Variants in HEATR5A observed in about 807,000 individuals in gnomAD.
HEATR5A encodes the protein HEAT repeat-containing protein 5A.
HEATR5A carries 178 observed loss-of-function variants against 218.8 expected under a neutral mutation model. The observed-to-expected ratio is 0.81, with a 90% CI of 0.72 to 0.92. The LOEUF is 0.92. HEATR5A is among the 40% of genes least tolerant of loss of function. The pLI is 0.00. For missense variants in HEATR5A, 2,420 were observed against 2,418.9 expected (o/e 1.00, Z -0.01); for synonymous variants, 864 against 871.6 (o/e 0.99, Z 0.15).
intron 6 of HEATR5A, among the ~76,000 whole-genome samples, chr14:31,391,886 A>G (rs1402967469): frequency 1.3e-5 from 2 of 152,228 alleles, no homozygotes; most frequent in Non-Finnish European, 2.9e-5. Flanking sequence ...CCTAGTGTGC[A>G]GTAGGCTATA....
intron 22 of HEATR5A, among the ~76,000 whole-genome samples, chr14:31,333,396 CCA>C (rs1287304000): frequency 6.6e-6 from 1 of 151,858 alleles, no homozygotes; most frequent in African/African-American, 2.4e-5. Flanking sequence ...TTACAGGCAC[CCA>C]CCATCATCAC....
intron 1 of HEATR5A, among the ~76,000 whole-genome samples, chr14:31,414,034 C>T (rs889131015): frequency 5.3e-5 from 8 of 152,156 alleles, no homozygotes; most frequent in Admixed American, 1.3e-4. Flanking sequence ...TCCATCTAGA[C>T]GGCAAATCAA....
At chr14:31,388,233 A>G (rs776636062) in intron 7 of HEATR5A, among the ~76,000 whole-genome samples, 5 of 152,224 alleles carry the variant, frequency 3.3e-5, no homozygotes, top group Non-Finnish European at 7.3e-5. Context: ...GACTATATGC[A>G]GTATAAAACA....
Position 31,304,924 on chromosome 14 carries a change from AG to A in HEATR5A, c.5219del (p.Pro1740LeufsTer29). The A allele has an allele frequency of 1.2e-6, 2 of 1,613,986 alleles. No individual in the cohort carries two copies. The highest frequency in any genetic ancestry group is 1.7e-6 in the Non-Finnish European group (2 of 1,179,878). On this transcript the variant is annotated frameshift_variant, in exon 32 of 36. Transcript: ENST00000543095. LOFTEE classifies it high-confidence loss of function. The part of the protein sequence containing the change: ...SAALVILSEL[P>X]AVCSPEGSIS... ...GCATACCTTCAGGAGAGCACACTGC[AG>A]GAAGTTCGGAAAGGATAACCAATGC...
At chr14:31,343,221 T>C (rs1220939814) in intron 21 of HEATR5A, among the ~76,000 whole-genome samples, 2 of 151,936 alleles carry the variant, frequency 1.3e-5, no homozygotes, top group Non-Finnish European at 2.9e-5. Flanking sequence ...GCCTCCTGAG[T>C]AGCTGGGATT....
At chr14:31,368,337 A>G (rs1901881635) in intron 13 of HEATR5A, among the ~76,000 whole-genome samples, 2 of 152,160 alleles carry the variant, frequency 1.3e-5, no homozygotes, top group South Asian at 4.1e-4. Flanking sequence ...CAGAACTGTT[A>G]GAAATAAGTG....
intron 2 of HEATR5A, among the ~76,000 whole-genome samples, chr14:31,402,037 T>A (rs550800677): frequency 6.6e-6 from 1 of 152,268 alleles, no homozygotes; most frequent in South Asian, 2.1e-4. Context: ...AATCTAGAAG[T>A]TGCTTTTTTT....
chr14:31,419,216 C>A (rs975604145), intron 1 of HEATR5A, among the ~76,000 whole-genome samples: 5 of 152,050 alleles, frequency 3.3e-5, no homozygotes. Context: ...CACAACAAAT[C>A]CATACTACAG....
intron 22 of HEATR5A, among the ~76,000 whole-genome samples, chr14:31,331,498 C>T (rs556658256): frequency 1.1e-4 from 17 of 152,184 alleles, no homozygotes; most frequent in African/African-American, 4.1e-4. Flanking sequence ...TTTGCCACAT[C>T]TTCCTGTCTT....
rs1202818136 is a variant in HEATR5A at position 31,387,192 on chromosome 14, G to A, written c.1117C>T (p.Leu373Phe). Residue 373 changes from leucine (L) to phenylalanine (F), a missense_variant, in exon 8 of 36, where the codon CTT becomes TTT. By Grantham distance (22) the Leu-to-Phe change is conservative. Transcript: ENST00000543095. The part of the protein sequence containing the change: ...FILRTTIGGL[L>F]GEKAQLAAVK... Reference sequence around the variant, plus strand: ...GCAGCAAGCTGAGCCTTTTCTCCAAGAAGACCACCTATAGTAGTTCGAAGA... The same window carrying A: ...GCAGCAAGCTGAGCCTTTTCTCCAAAAAGACCACCTATAGTAGTTCGAAGA... The A allele has an allele frequency of 4.6e-6, 7 of 1,532,066 alleles. No homozygotes were observed. In the East Asian group the frequency reaches 1.6e-4, roughly 34 times the overall value. 94.9% of individuals were successfully genotyped at this position (1,532,066 alleles called of 1,614,324 possible).
intron 7 of HEATR5A, 41 bp from the exon 8 acceptor site, chr14:31,387,416 T>C (rs768004033): frequency 1.2e-5 from 17 of 1,439,730 alleles, no homozygotes; most frequent in Non-Finnish European, 1.6e-5. Flanking sequence ...TTAAATTGTT[T>C]CAATTCTGTA....
chr14:31,293,418 C>T lies in HEATR5A; in HGVS notation c.6028G>A (p.Glu2010Lys). 6.2e-7 allele frequency: 1 copy of T among 1,613,902 alleles called. No homozygotes were observed. The highest frequency in any genetic ancestry group is 8.5e-7 in the Non-Finnish European group (1 of 1,179,802). Residue 2010 changes from glutamate (E) to lysine (K), a missense_variant, in exon 36 of 36, where the codon GAG (glutamate) becomes AAG (lysine). By Grantham distance (56) the Glu-to-Lys change is moderately conservative (BLOSUM62 1). Coordinates refer to ENST00000543095, the MANE Select transcript of HEATR5A (RefSeq NM_015473.4). ...TCCTGATTGCCCTTTATAGCAGCCT[C>T]AAGGCGGGCTTTTAGGGCTGGAGAA... ...ASSPALKARL[E>K]AAIKGNQESV...
chr14:31,335,312 C>T (rs932277354), intron 22 of HEATR5A, among the ~76,000 whole-genome samples: 1 of 152,040 alleles, frequency 6.6e-6, no homozygotes, highest in African/African-American at 2.4e-5. Context: ...ATATAGCAGC[C>T]CAGCCATGCT....
chr14:31,344,281 T>C, intron 20 of HEATR5A, among the ~76,000 whole-genome samples: 1 of 128,104 alleles, frequency 7.8e-6, no homozygotes. Context: ...TTTTTTTTTT[T>C]TTTTTTTTTT....
At chr14:31,295,134 A>G (rs1231432648) in intron 34 of HEATR5A, among the ~76,000 whole-genome samples, 1 of 152,198 alleles carries the variant, frequency 6.6e-6, no homozygotes, top group African/African-American at 2.4e-5. Context: ...GGCACATAAA[A>G]AATAGGACAT....
chr14:31,348,209 CATT>C lies in HEATR5A; in HGVS notation c.2709-305_2709-303del, dbSNP rs1901084457. Among the ~76,000 whole-genome samples, 3 of 151,976 alleles carry C rather than the reference CATT, an allele frequency of 2.0e-5. No individual in the cohort carries two copies. In the South Asian group the frequency reaches 6.2e-4, roughly 32 times the overall value. On this transcript the variant is annotated intron_variant, in intron 18 of 35. Transcript: ENST00000543095. ...AAGATAAGCATTATTATTACTTTAT[CATT>C]AAGTTACATTTTAAAAACTCAAATG...
At chr14:31,307,481 C>T (rs181719554) in intron 30 of HEATR5A, among the ~76,000 whole-genome samples, 19 of 152,262 alleles carry the variant, frequency 1.2e-4, no homozygotes, top group Non-Finnish European at 7.4e-5. Flanking sequence ...ACTTAGCCAA[C>T]AGGAATACTT....
At chr14:31,377,115 C>A (rs1902256763) in intron 11 of HEATR5A, among the ~76,000 whole-genome samples, 1 of 139,032 alleles carries the variant, frequency 7.2e-6, no homozygotes. Flanking sequence ...CATGGTGAGA[C>A]CCTGTCTCTT....
At chr14:31,343,609 T>C (rs982558480) in intron 21 of HEATR5A, among the ~76,000 whole-genome samples, 5 of 152,204 alleles carry the variant, frequency 3.3e-5, no homozygotes, top group African/African-American at 1.2e-4. Context: ...AGCATTTATA[T>C]AGTACATGGG....
Sources: gnomAD v4.1 joint callset for allele counts (sites outside exome capture counted in the v4.1 genomes callset) on GRCh38, gnomAD v4.1.1 for gene constraint, MANE v1.5 for transcripts, NCBI Gene and HGNC (gene_info 2026-07-23, HGNC 2026-07-21) for gene names.